SNTB2: variants seen among roughly 807,000 people sequenced by gnomAD.
SNTB2 encodes the protein syntrophin beta 2, also known as beta-2-syntrophin.
Under a neutral mutation model 46.2 loss-of-function variants are expected in SNTB2, and 34 were observed. The ratio of observed to expected loss-of-function variants is 0.74; its 90% CI spans 0.56 to 0.98. The LOEUF (loss-of-function observed/expected upper bound fraction) is 0.98, where lower values mean the gene tolerates loss of function less well. Ranked by LOEUF, SNTB2 falls within the 50% of genes least tolerant of loss-of-function variation. The pLI is 0.00. For synonymous variants in SNTB2, 290 were observed against 312.6 expected, an observed-to-expected ratio of 0.93 and a Z score of 0.76; for missense variants, 603 against 731.4, an observed-to-expected ratio of 0.82 and a Z score of 2.02.
chr16:69,288,296 A>G (rs1203218203), intron 5 of SNTB2, among the ~76,000 whole-genome samples: 1 of 152,182 alleles, frequency 6.6e-6, no homozygotes. Context: ...TTTTCAGGTT[A>G]AAGCTTCCCA....
chr16:69,272,306 C>T (rs1009694642), intron 4 of SNTB2, among the ~76,000 whole-genome samples: 2 of 151,760 alleles, frequency 1.3e-5, no homozygotes, highest in African/African-American at 2.4e-5. Context: ...TTTGGGAGAC[C>T]GAGGCAGGCC....
intron 4 of SNTB2, among the ~76,000 whole-genome samples, chr16:69,271,365 T>TA (rs950661081): frequency 6.6e-6 from 1 of 152,070 alleles, no homozygotes; most frequent in Non-Finnish European, 1.5e-5. Context: ...GTTTCTCTTT[T>TA]AAAAAAATAA....
rs775281239 is a variant in SNTB2 at position 69,308,772 on chromosome 16, C to T, written c.*7848C>T. The T allele has an allele frequency of 6.6e-5, 10 of 152,046 alleles. No individual in the cohort carries two copies. Among genetic ancestry groups the T allele is most frequent in the Middle Eastern group, 3.2e-3 (1 of 316 alleles). The allele number at this position is 152,046 out of a possible 1,614,324, so 9.4% of individuals were successfully genotyped here. A position where few individuals can be genotyped will look rare whatever the true frequency, so the allele number is the denominator to read the frequency against. On this transcript the variant is annotated 3_prime_UTR_variant, in exon 7 of 7. Coordinates refer to ENST00000336278, the MANE Select transcript of SNTB2 (RefSeq NM_006750.4). ...TTTAGAACCCTGTATTTAAACAAGCCTTCTTTTTAAGTCTTGTTTGAAATT... is the reference window on the plus strand; with the variant it reads ...TTTAGAACCCTGTATTTAAACAAGCTTTCTTTTTAAGTCTTGTTTGAAATT...
At position 69,224,372 on chromosome 16, in the gene SNTB2, C is replaced by T. The variant is rs192348954; in HGVS notation, c.581-21230C>T. 2.4e-4 allele frequency among the ~76,000 whole-genome samples: 37 copies of T among 151,916 alleles called. No homozygotes were observed. The East Asian group carries it at 6.4e-3, about 26-fold the overall frequency. On this transcript the variant is annotated intron_variant, in intron 1 of 6. Transcript: ENST00000336278. ...AATTACAGGCTCGCGCCACCACGCC[C>T]GGCTGATTTTTTGTATCGTTAGTAG...
At chr16:69,192,631 A>T (rs1384382772) in intron 1 of SNTB2, among the ~76,000 whole-genome samples, 1 of 152,122 alleles carries the variant, frequency 6.6e-6, no homozygotes, top group Non-Finnish European at 1.5e-5. Context: ...TGGAGAAATG[A>T]TGGTATGGTC....
intron 1 of SNTB2, chr16:69,230,811 C>G (rs1597180487): frequency 6.8e-6 from 1 of 147,274 alleles, no homozygotes. Flanking sequence ...GTGGCATGAT[C>G]TCCGCTCACT....
chr16:69,266,562 T>G (rs1285179845), intron 3 of SNTB2, among the ~76,000 whole-genome samples: 4 of 152,218 alleles, frequency 2.6e-5, no homozygotes, highest in Non-Finnish European at 4.4e-5. Flanking sequence ...TTCTTGAAAT[T>G]GAACATTGCT....
In SNTB2 at chr16:69,308,962, A is replaced by G. The variant is rs1251018366; in HGVS notation, c.*8038A>G. The stretch of plus-strand genomic sequence containing the variant: ...TCAACATACAGCATTGTACATTACA[A>G]TGAAAATGTGTAACTTAAGGGTATT... On this transcript the variant is annotated 3_prime_UTR_variant, in exon 7 of 7. Transcript: ENST00000336278. 2 of 152,614 alleles carry G rather than the reference A, an allele frequency of 1.3e-5. No individual in the cohort carries two copies. Among genetic ancestry groups the G allele is most frequent in the Non-Finnish European group, 2.9e-5 (2 of 68,026 alleles). 9.5% of individuals were successfully genotyped at this position (152,614 alleles called of 1,614,324 possible). A position where few individuals can be genotyped will look rare whatever the true frequency, so the allele number is the denominator to read the frequency against.
Position 69,304,945 on chromosome 16 carries a change from G to C in SNTB2, c.*4021G>C, listed in dbSNP as rs1385529908. On this transcript the variant is annotated 3_prime_UTR_variant, in exon 7 of 7. Transcript: ENST00000336278. ...AGCCTCCCAAAGTGCTGGGATTACA[G>C]ATGTGAGCCACTGCACCTGGCCCCA... 2.6e-5 allele frequency: 4 copies of C among 150,992 alleles called. No homozygotes were observed. The allele number at this position is 150,992 out of a possible 1,614,324, so 9.4% of individuals were successfully genotyped here. A position where few individuals can be genotyped will look rare whatever the true frequency, so the allele number is the denominator to read the frequency against.
intron 1 of SNTB2, among the ~76,000 whole-genome samples, chr16:69,195,074 A>G (rs1422570259): frequency 6.6e-6 from 1 of 152,154 alleles, no homozygotes; most frequent in African/African-American, 2.4e-5. Flanking sequence ...TGAACATCAC[A>G]TTTCTATGAA....
At chr16:69,269,194 A>T (rs1567411223) in intron 3 of SNTB2, among the ~76,000 whole-genome samples, 1 of 151,736 alleles carries the variant, frequency 6.6e-6, no homozygotes, top group Non-Finnish European at 1.5e-5. Context: ...AAAAAATACA[A>T]CATAGTGAAC....
intron 4 of SNTB2, among the ~76,000 whole-genome samples, chr16:69,283,380 A>G (rs181270594): frequency 8.2e-4 from 125 of 152,308 alleles, no homozygotes; most frequent in Non-Finnish European, 1.6e-3. Flanking sequence ...TTCATAGGCC[A>G]AATAATTCTA....
At chr16:69,241,242 T>C (rs1597183918) in intron 1 of SNTB2, among the ~76,000 whole-genome samples, 4 of 107,406 alleles carry the variant, frequency 3.7e-5, no homozygotes, top group Admixed American at 1.2e-4. Flanking sequence ...AGTGGCACAA[T>C]CTCAGCTCAC....
At chr16:69,234,923 G>A (rs1325486643) in intron 1 of SNTB2, among the ~76,000 whole-genome samples, 4 of 152,044 alleles carry the variant, frequency 2.6e-5, no homozygotes, top group South Asian at 2.1e-4. Flanking sequence ...GGCTGGTCTC[G>A]AACACCTGAC....
chr16:69,228,417 G>T (rs1964477991), intron 1 of SNTB2, among the ~76,000 whole-genome samples: 1 of 148,482 alleles, frequency 6.7e-6, no homozygotes, highest in Non-Finnish European at 1.5e-5. Context: ...GAGGTGGGAG[G>T]ATGGCTTGAA....
intron 4 of SNTB2, among the ~76,000 whole-genome samples, chr16:69,280,665 G>A (rs1490181222): frequency 1.1e-4 from 16 of 152,176 alleles, no homozygotes; most frequent in Non-Finnish European, 1.9e-4. Flanking sequence ...AGGGGCGGCC[G>A]GCTTTGCCCA....
intron 5 of SNTB2, 101 bp from the exon 6 acceptor site, chr16:69,299,489 C>T: frequency 8.4e-7 from 1 of 1,187,402 alleles, no homozygotes. Flanking sequence ...CACACATTCT[C>T]AAGAAAATAT....
At chr16:69,221,038 C>T (rs1445004903) in intron 1 of SNTB2, among the ~76,000 whole-genome samples, 1 of 152,132 alleles carries the variant, frequency 6.6e-6, no homozygotes, top group Non-Finnish European at 1.5e-5. Context: ...TGTGGACTCA[C>T]ACAGTATGTA....
chr16:69,261,556 G>A (rs1964835000), intron 3 of SNTB2, among the ~76,000 whole-genome samples: 1 of 151,810 alleles, frequency 6.6e-6, no homozygotes, highest in African/African-American at 2.4e-5. Flanking sequence ...TTAGTACAGT[G>A]ATCATTTCTA....
Sources: gnomAD v4.1 joint callset for allele counts (sites outside exome capture counted in the v4.1 genomes callset) on GRCh38, gnomAD v4.1.1 for gene constraint, MANE v1.5 for transcripts, NCBI Gene and HGNC (gene_info 2026-07-23, HGNC 2026-07-21) for gene names.